Variants in RPL6 observed in about 807,000 individuals in gnomAD.
The protein encoded by RPL6 is ribosomal protein L6, also known as large ribosomal subunit protein eL6.
RPL6 carries 1 observed loss-of-function variant against 32.1 expected under a neutral mutation model. The observed-to-expected ratio is 0.03, with a 90% CI of 0.01 to 0.15. RPL6 has a LOEUF of 0.15. Among genes scored for constraint, RPL6 ranks in the 10% least tolerant of loss-of-function variants. The pLI, the probability that RPL6 is intolerant of heterozygous loss-of-function variation, is 1.00. For synonymous variants in RPL6, 126 were observed against 131.6 expected (o/e 0.96, Z 0.29); for missense variants, 275 against 354.6 (o/e 0.78, Z 1.80).
At position 112,407,830 on chromosome 12, in the gene RPL6, C is replaced by T. The variant is rs575834421; in HGVS notation, c.336+410G>A. The T allele has an allele frequency of 4.1e-5, 7 of 171,268 alleles. No individual in the cohort carries two copies. The East Asian group carries it at 6.9e-4, about 17-fold the overall frequency. The allele number at this position is 171,268 out of a possible 1,614,324, so 10.6% of individuals were successfully genotyped here. A position where few individuals can be genotyped will look rare whatever the true frequency, so the allele number is the denominator to read the frequency against. On this transcript the variant is annotated intron_variant, in intron 3 of 6. Coordinates refer to ENST00000202773, the MANE Select transcript of RPL6 (RefSeq NM_000970.6). ...GCAATCTCTGCCTCCCGGGTTCAAG[C>T]GATTCTTCTGCCTCAGCCTCCAGAG...
At chr12:112,417,504 T>C (rs1396513753) in intron 1 of RPL6, among the ~76,000 whole-genome samples, 5 of 151,436 alleles carry the variant, frequency 3.3e-5, no homozygotes, top group Non-Finnish European at 5.9e-5. Context: ...GGCCTTGCTC[T>C]CTTGCTCGAG....
In RPL6 at chr12:112,406,905, T is replaced by C. The variant is rs756349745; in HGVS notation, c.337-15A>G. 25 of 1,613,328 alleles carry C rather than the reference T, an allele frequency of 1.5e-5. No individual in the cohort carries two copies. Among genetic ancestry groups the C allele is most frequent in the East Asian group, 2.2e-5 (1 of 44,896 alleles). ...TAATATCTAGGCTGTGGAGAGTCCA[T>C]AGATCCAACTTATTTAAATAAGCCA... On this transcript the variant is annotated splice_polypyrimidine_tract_variant and intron_variant, in intron 3 of 6. Coordinates refer to ENST00000202773, the MANE Select transcript of RPL6 (RefSeq NM_000970.6).
upstream of RPL6, among the ~76,000 whole-genome samples, chr12:112,413,753 T>G (rs1453343359): frequency 6.6e-6 from 1 of 151,004 alleles, no homozygotes; most frequent in East Asian, 2.0e-4. Context: ...CGGCCGGACA[T>G]GGTAGCTCAT....
upstream of RPL6, chr12:112,409,721 A>G: frequency 5.3e-6 from 2 of 374,644 alleles, no homozygotes; most frequent in East Asian, 7.7e-5. Context: ...AAAAAGTAGT[A>G]AATCCTAGGC....
upstream of RPL6, among the ~76,000 whole-genome samples, chr12:112,413,539 A>G (rs750084924): frequency 5.9e-5 from 9 of 152,164 alleles, no homozygotes; most frequent in Non-Finnish European, 1.3e-4. Flanking sequence ...ACTCCATCTT[A>G]AAAAGTAAAT....
upstream of RPL6, among the ~76,000 whole-genome samples, chr12:112,414,059 T>C (rs781081762): frequency 1.7e-4 from 26 of 152,240 alleles, no homozygotes; most frequent in Non-Finnish European, 3.5e-4. Flanking sequence ...GAATGTTTTC[T>C]GGAGGAGCTG....
chr12:112,414,271 T>G (rs1457997229), upstream of RPL6, among the ~76,000 whole-genome samples: 1 of 152,234 alleles, frequency 6.6e-6, no homozygotes. Context: ...GAGTTCAACT[T>G]AATGCTAGAG....
intron 1 of RPL6, among the ~76,000 whole-genome samples, chr12:112,416,335 T>C (rs1260690779): frequency 6.6e-6 from 1 of 152,000 alleles, no homozygotes; most frequent in African/African-American, 2.4e-5. Flanking sequence ...GAGATGGGGT[T>C]TCACTGTGTT....
chr12:112,411,719 TTTG>T (rs1325442819), upstream of RPL6, among the ~76,000 whole-genome samples: 1 of 152,176 alleles, frequency 6.6e-6, no homozygotes, highest in Non-Finnish European at 1.5e-5. Context: ...CCTCTTGTGT[TTTG>T]TTGCGGTATT....
chr12:112,415,955 AG>A (rs2037401933), intron 1 of RPL6, among the ~76,000 whole-genome samples: 1 of 126,796 alleles, frequency 7.9e-6, no homozygotes, highest in Non-Finnish European at 1.6e-5. Flanking sequence ...CTAGTTTTGC[AG>A]TTTTTTTTTT....
intron 3 of RPL6, 148 bp downstream of exon 3, chr12:112,408,092 G>A: frequency 1.6e-6 from 1 of 629,104 alleles, no homozygotes; most frequent in Non-Finnish European, 2.8e-6. Flanking sequence ...AACAGTAAAT[G>A]TTGAAGCCAA....
rs2037242000 is a variant in RPL6, at chr12:112,408,349, A to G, written c.238-11T>C. ...CTTTTTCTTTTCAACCTACAAGGACACAAATGCATCAACAGTAAGAGAATG... is the reference window on the plus strand; with the variant it reads ...CTTTTTCTTTTCAACCTACAAGGACGCAAATGCATCAACAGTAAGAGAATG... On this transcript the variant is annotated splice_polypyrimidine_tract_variant and intron_variant, in intron 2 of 6. Coordinates refer to ENST00000202773, the MANE Select transcript of RPL6 (RefSeq NM_000970.6). 1.2e-6 allele frequency: 2 copies of G among 1,614,032 alleles called. No individual in the cohort carries two copies. Among genetic ancestry groups the G allele is most frequent in the Admixed American group, 3.3e-5 (2 of 60,020 alleles).
At chr12:112,417,078 GAA>G (rs1393383687) in intron 1 of RPL6, among the ~76,000 whole-genome samples, 3 of 152,062 alleles carry the variant, frequency 2.0e-5, no homozygotes, top group Non-Finnish European at 2.9e-5. Context: ...TTATTTTTGA[GAA>G]AGAGTCTCAC....
intron 1 of RPL6, 31 bp downstream of exon 1, chr12:112,409,556 C>G (rs903261322): frequency 1.3e-5 from 5 of 398,522 alleles, no homozygotes; most frequent in Non-Finnish European, 2.2e-5. Context: ...GTCCTGAACT[C>G]AAGTCTTGCA....
upstream of RPL6, among the ~76,000 whole-genome samples, chr12:112,412,144 A>T (rs2037348149): frequency 6.6e-6 from 1 of 151,928 alleles, no homozygotes. Context: ...GGTTCACGCC[A>T]TTCTCCTGCC....
At chr12:112,406,726 C>T in intron 4 of RPL6, 21 bp downstream of exon 4, 1 of 1,613,550 alleles carries the variant, frequency 6.2e-7, no homozygotes, top group Non-Finnish European at 8.5e-7. Flanking sequence ...AGTGAAGCGC[C>T]CCAAGCACAG....
chr12:112,405,966 T>C lies in RPL6; in HGVS notation c.601A>G (p.Ile201Val), dbSNP rs761518667. 2 of 1,613,858 alleles carry C rather than the reference T, an allele frequency of 1.2e-6. No homozygotes were observed. Among genetic ancestry groups the C allele is most frequent in the Non-Finnish European group, 1.7e-6 (2 of 1,179,880 alleles). ...GGGATTTTTACATTGCTGATATCGA[T>C]TTTGGTTGAAGTGGCAATGACAAAT... ...QKFVIATSTK[I>V]DISNVKIPKH... The change falls in exon 6 of 7, where the codon ATC (isoleucine) becomes GTC (valine). Residue 201 changes from isoleucine (I) to valine (V), a missense_variant. Ile to Val is a conservative substitution (Grantham distance 29). Transcript: ENST00000202773.
At chr12:112,417,338 G>A (rs908457673) in intron 1 of RPL6, among the ~76,000 whole-genome samples, 4 of 151,718 alleles carry the variant, frequency 2.6e-5, no homozygotes, top group African/African-American at 9.7e-5. Context: ...GATTACAGGC[G>A]TGAGCCACCA....
chr12:112,416,079 C>T (rs1453425351), intron 1 of RPL6, among the ~76,000 whole-genome samples: 3 of 149,768 alleles, frequency 2.0e-5, no homozygotes, highest in Non-Finnish European at 4.4e-5. Flanking sequence ...TTGCCTCAGC[C>T]TCCTGAGTAG....
Sources: gnomAD v4.1 joint callset for allele counts (sites outside exome capture counted in the v4.1 genomes callset) on GRCh38, gnomAD v4.1.1 for gene constraint, MANE v1.5 for transcripts, NCBI Gene and HGNC (gene_info 2026-07-23, HGNC 2026-07-21) for gene names.